Variants in EDRF1 observed in about 807,000 individuals in gnomAD.
EDRF1 encodes erythroid differentiation regulatory factor 1.
In EDRF1, 69 loss-of-function variants were observed where a neutral mutation model predicts 148.7. The ratio of observed to expected loss-of-function variants is 0.46; its 90% CI spans 0.38 to 0.57. The LOEUF (loss-of-function observed/expected upper bound fraction) is 0.57. Among genes scored for constraint, EDRF1 ranks in the 20% least tolerant of loss-of-function variants. The pLI is 0.00. For synonymous variants in EDRF1, 515 were observed against 532.8 expected (o/e 0.97, Z 0.46); for missense variants, 1,118 against 1,478.7 (o/e 0.76, Z 4.00).
At position 125,734,311 on chromosome 10, in the gene EDRF1, A is replaced by G. The variant is rs903314587; in HGVS notation, c.1497+128A>G. The G allele has an allele frequency of 4.8e-5, 36 of 743,080 alleles. No individual in the cohort carries two copies. In the Middle Eastern group the frequency reaches 1.1e-3, roughly 23 times the overall value. The allele number at this position is 743,080 out of a possible 1,614,324, so 46.0% of individuals were successfully genotyped here. A position where few individuals can be genotyped will look rare whatever the true frequency, so the allele number is the denominator to read the frequency against. Reference sequence around the variant, plus strand: ...TATTCAGTGTGGTAGCCATTAGCACATGTGGCTGTTGATCACTTAAAATGT... The same window carrying G: ...TATTCAGTGTGGTAGCCATTAGCACGTGTGGCTGTTGATCACTTAAAATGT... On this transcript the variant is annotated intron_variant, in intron 12 of 24. Transcript: ENST00000356792.
chr10:125,738,380 A>G lies in EDRF1; in HGVS notation c.1916A>G (p.Glu639Gly). 6.2e-7 allele frequency: 1 copy of G among 1,614,144 alleles called. No individual in the cohort carries two copies. Among genetic ancestry groups the G allele is most frequent in the African/African-American group, 1.3e-5 (1 of 75,018 alleles). ...DPSTPIPLKY[E>G]DESSRGGPEG... ...AGCACTCCAATCCCGTTAAAATATGAAGATGAATCCTCAAGAGGGGGTCCC... is the reference window on the plus strand; with the variant it reads ...AGCACTCCAATCCCGTTAAAATATGGAGATGAATCCTCAAGAGGGGGTCCC... Residue 639 changes from glutamate (E) to glycine (G), a missense_variant, in exon 15 of 25, where the codon GAA becomes GGA. By Grantham distance (98) the Glu-to-Gly change is moderately conservative. Around this residue, in one of 3 missense-constraint regions of EDRF1, gnomAD observed 954 missense variants for 1,241.4 expected, o/e 0.77. Coordinates refer to ENST00000356792, the MANE Select transcript of EDRF1 (RefSeq NM_001202438.2).
chr10:125,760,026 C>A (rs1373387915), intron 24 of EDRF1, among the ~76,000 whole-genome samples: 2 of 152,196 alleles, frequency 1.3e-5, no homozygotes, highest in Non-Finnish European at 2.9e-5. Context: ...GGTTGTTAAT[C>A]CACAGTGTCT....
Position 125,740,721 on chromosome 10 carries a change from A to G in EDRF1, c.2170+70A>G, listed in dbSNP as rs1396789748. ...AGAACAGAGAAGGCATCTGAATCAC[A>G]GTGGAAGTTTACTCCTATTTTTCTA... On this transcript the variant is annotated intron_variant, in intron 16 of 24. Coordinates refer to ENST00000356792, the MANE Select transcript of EDRF1 (RefSeq NM_001202438.2). 3.3e-6 allele frequency: 5 copies of G among 1,504,414 alleles called. No homozygotes were observed. In the African/African-American group the frequency reaches 5.5e-5, roughly 17 times the overall value. The allele number at this position is 1,504,414 out of a possible 1,614,324, so 93.2% of individuals were successfully genotyped here.
intron 13 of EDRF1, 56 bp from the exon 14 acceptor site, chr10:125,737,862 T>C (rs915980666): frequency 1.3e-6 from 2 of 1,517,526 alleles, no homozygotes; most frequent in Non-Finnish European, 1.8e-6. Context: ...ACAAAAACAA[T>C]ATGTTGACCT....
At chr10:125,752,500 C>T (rs536165128) in intron 22 of EDRF1, among the ~76,000 whole-genome samples, 8 of 152,334 alleles carry the variant, frequency 5.3e-5, no homozygotes, top group African/African-American at 9.6e-5. Flanking sequence ...AGGTGGGCCT[C>T]GAGCCCCAGA....
rs1465994863 is a variant in EDRF1 at position 125,763,794 on chromosome 10, T to G, written c.*322T>G. ...TTTGAAGTATGTCAAGCTACACGGGTCTAAGATATGATTATTTTGGATAAA... is the reference window on the plus strand; with the variant it reads ...TTTGAAGTATGTCAAGCTACACGGGGCTAAGATATGATTATTTTGGATAAA... On this transcript the variant is annotated 3_prime_UTR_variant, in exon 25 of 25. Transcript: ENST00000356792. The surrounding 1 kb of genome is among the most constrained non-coding windows in gnomAD (Gnocchi z 4.3). The G allele has an allele frequency of 2.7e-6, 1 of 368,426 alleles. No homozygotes were observed. Among genetic ancestry groups the G allele is most frequent in the Non-Finnish European group, 5.1e-6 (1 of 197,448 alleles). The allele number at this position is 368,426 out of a possible 1,614,324, so 22.8% of individuals were successfully genotyped here. A position where few individuals can be genotyped will look rare whatever the true frequency, so the allele number is the denominator to read the frequency against.
chr10:125,743,402 C>T (rs1477828736), intron 18 of EDRF1, 126 bp downstream of exon 18: 6 of 737,690 alleles, frequency 8.1e-6, no homozygotes, highest in Non-Finnish European at 1.4e-5. Context: ...TATTAGAGAA[C>T]CTCTTATTAT....
At chr10:125,761,200 TA>T in intron 24 of EDRF1, 2 of 389,992 alleles carry the variant, frequency 5.1e-6, no homozygotes, top group Non-Finnish European at 1.0e-5. Flanking sequence ...TTTACTTGTT[TA>T]AAAAAAATTT....
intron 23 of EDRF1, among the ~76,000 whole-genome samples, 165 bp from the exon 24 acceptor site, chr10:125,753,529 T>C (rs760404676): frequency 2.0e-5 from 3 of 152,332 alleles, no homozygotes; most frequent in South Asian, 2.1e-4. Flanking sequence ...ATTTTAATTA[T>C]GTGTTTTAGT....
chr10:125,743,270 A>G lies in EDRF1; in HGVS notation c.2584A>G (p.Arg862Gly). The change falls in exon 18 of 25, where the codon AGA becomes GGA. Residue 862 changes from arginine to glycine, a missense_variant. Around this residue, in one of 3 missense-constraint regions of EDRF1, gnomAD observed 954 missense variants for 1,241.4 expected, o/e 0.77. Transcript: ENST00000356792. ...TCAGGCTGCTGCATTACAGAGTGAGAGACTAGGTGAGTATCTCTTTAGATT... is the reference window on the plus strand; with the variant it reads ...TCAGGCTGCTGCATTACAGAGTGAGGGACTAGGTGAGTATCTCTTTAGATT... ...MNQAAALQSE[R>G]LVSKSVSAAE... is the part of the protein sequence containing the mutation. 6.2e-7 allele frequency: 1 copy of G among 1,612,088 alleles called. No homozygotes were observed. Among genetic ancestry groups the G allele is most frequent in the Non-Finnish European group, 8.5e-7 (1 of 1,178,384 alleles).
chr10:125,763,419 C>G lies in EDRF1; in HGVS notation c.3664C>G (p.Leu1222Val). 1 of 1,611,666 alleles carries G rather than the reference C, an allele frequency of 6.2e-7. No homozygotes were observed. The highest frequency in any genetic ancestry group is 8.5e-7 in the Non-Finnish European group (1 of 1,180,020). ...GGAAAGAATCAACGTTATCGTCCAC[C>G]TGCTGGGCCAGCTTGCCGCCGGCAG... ...LLERINVIVH[L>V]LGQLAAGSAA... Residue 1222 changes from leucine to valine, a missense_variant, in exon 25 of 25, where the codon CTG (leucine) becomes GTG (valine). Leu to Val is a conservative substitution (Grantham distance 32). Coordinates refer to ENST00000356792, the MANE Select transcript of EDRF1 (RefSeq NM_001202438.2). The surrounding 1 kb of genome is among the most constrained non-coding windows in gnomAD (Gnocchi z 4.3).
At chr10:125,740,947 C>G (rs1466759645) in intron 16 of EDRF1, 54 bp from the exon 17 acceptor site, 14 of 1,539,474 alleles carry the variant, frequency 9.1e-6, no homozygotes, top group Middle Eastern at 1.7e-4. Context: ...TTCCTATGAT[C>G]ATTAATTTTT....
At chr10:125,738,929 A>G (rs1848871555) in intron 15 of EDRF1, among the ~76,000 whole-genome samples, 1 of 152,262 alleles carries the variant, frequency 6.6e-6, no homozygotes, top group East Asian at 1.9e-4. Context: ...ATAGAAGTGT[A>G]GGCTGTTGTT....
rs932194683 is a variant in EDRF1 at position 125,740,920 on chromosome 10, A to G, written c.2171-81A>G. 7 of 1,411,522 alleles carry G rather than the reference A, an allele frequency of 5.0e-6. No homozygotes were observed. The African/African-American group carries it at 8.5e-5, about 17-fold the overall frequency. The allele number at this position is 1,411,522 out of a possible 1,614,324, so 87.4% of individuals were successfully genotyped here. On this transcript the variant is annotated intron_variant, in intron 16 of 24. Transcript: ENST00000356792. Reference sequence around the variant, plus strand: ...AGTGCTACAAAGCGTTCAGCTGGTAACACAGTTTCTTCATATTTCCTATGA... The same window carrying G: ...AGTGCTACAAAGCGTTCAGCTGGTAGCACAGTTTCTTCATATTTCCTATGA...
Position 125,756,269 on chromosome 10 carries a change from C to T in EDRF1, c.3545+2424C>T, listed in dbSNP as rs530474847. ...GTTAGCTATCTTTTGATATTGCTTG[C>T]TAGTTGAATTCTATTATGTGCTGAG... On this transcript the variant is annotated intron_variant, in intron 24 of 24. Transcript: ENST00000356792. 2.0e-5 allele frequency among the ~76,000 whole-genome samples: 3 copies of T among 152,234 alleles called. 1 individual carries two copies. The East Asian group carries it at 5.8e-4, about 29-fold the overall frequency.
At chr10:125,720,557 C>G (rs753973523) in intron 1 of EDRF1, among the ~76,000 whole-genome samples, 28 of 152,162 alleles carry the variant, frequency 1.8e-4, no homozygotes, top group Non-Finnish European at 3.4e-4. Flanking sequence ...CGCCTGTAAT[C>G]CTAGCACTTT....
intron 6 of EDRF1, 66 bp downstream of exon 6, chr10:125,725,904 T>TAA (rs564768268): frequency 5.6e-4 from 730 of 1,295,788 alleles, no homozygotes; most frequent in East Asian, 1.6e-3. Flanking sequence ...AACATCTCGT[T>TAA]AAAAAAAAAA....
chr10:125,733,643 A>C lies in EDRF1; in HGVS notation c.1285A>C (p.Ser429Arg). 5 of 1,613,508 alleles carry C rather than the reference A, an allele frequency of 3.1e-6. No homozygotes were observed. Among genetic ancestry groups the C allele is most frequent in the Non-Finnish European group, 4.2e-6 (5 of 1,179,532 alleles). The change falls in exon 11 of 25, where the codon AGC becomes CGC. Residue 429 changes from serine to arginine, a missense_variant. Physicochemically the swap from Ser to Arg is moderately radical, Grantham distance 110. This residue lies in a region of EDRF1 where 954 missense variants were observed against 1,241.4 expected (regional missense o/e 0.77). Transcript: ENST00000356792. Reference protein sequence around the residue: ...HTYWLFKASGSDIVKLYDLTT... With the variant: ...HTYWLFKASGRDIVKLYDLTT... ...TTTGTTTTTCTTTTCAGCAAGTGGCAGCGATATAGTGAAGCTCTATGACCT... is the reference window on the plus strand; with the variant it reads ...TTTGTTTTTCTTTTCAGCAAGTGGCCGCGATATAGTGAAGCTCTATGACCT...
At chr10:125,729,288 CT>C (rs1329283205) in intron 7 of EDRF1, 69 bp from the exon 8 acceptor site, 5 of 1,580,998 alleles carry the variant, frequency 3.2e-6, no homozygotes, top group Admixed American at 1.7e-5. Flanking sequence ...TTTTTCTAGT[CT>C]TTTTATGGAT....
Sources: allele counts gnomAD v4.1 joint callset (sites outside exome capture counted in the v4.1 genomes callset), GRCh38; gene constraint gnomAD v4.1.1; regional missense constraint gnomAD v4.1.1; non-coding constraint Gnocchi (gnomAD v3.1); transcripts MANE v1.5; gene names NCBI Gene and HGNC (gene_info 2026-07-23, HGNC 2026-07-21).